TYR: variants seen among roughly 807,000 people sequenced by gnomAD.
TYR encodes tyrosinase.
Under a neutral mutation model 51.5 loss-of-function variants are expected in TYR, and 58 were observed. The observed-to-expected ratio is 1.13, with a 90% confidence interval of 0.91 to 1.40. The LOEUF (loss-of-function observed/expected upper bound fraction) is 1.40. Among genes scored for constraint, TYR ranks in the 40% most tolerant of loss-of-function variants. The pLI is 0.00. For synonymous variants in TYR, 263 were observed against 235.2 expected (o/e 1.12, Z -1.08); for missense variants, 732 against 647.4 (o/e 1.13, Z -1.42).
intron 1 of TYR, among the ~76,000 whole-genome samples, chr11:89,182,933 G>T (rs1943320928): frequency 6.6e-6 from 1 of 152,024 alleles, no homozygotes; most frequent in African/African-American, 2.4e-5. Context: ...CACTCATCAG[G>T]TGAAAAGCAC....
At chr11:89,202,907 T>A (rs1007870229) in intron 2 of TYR, among the ~76,000 whole-genome samples, 2 of 152,150 alleles carry the variant, frequency 1.3e-5, no homozygotes. Flanking sequence ...AAAATGATGC[T>A]GTTTCTATGA....
chr11:89,183,906 T>C (rs1943333435), intron 1 of TYR, among the ~76,000 whole-genome samples: 1 of 152,124 alleles, frequency 6.6e-6, no homozygotes, highest in Admixed American at 6.6e-5. Flanking sequence ...TGCTAAGTGC[T>C]TTATACATGT....
chr11:89,258,051 A>G (rs1944415294), intron 3 of TYR, among the ~76,000 whole-genome samples: 1 of 152,058 alleles, frequency 6.6e-6, no homozygotes, highest in Non-Finnish European at 1.5e-5. Flanking sequence ...AAGTCCCAAA[A>G]GATTGTGCTA....
At chr11:89,289,486 G>T (rs187578145) in intron 4 of TYR, among the ~76,000 whole-genome samples, 1 of 152,036 alleles carries the variant, frequency 6.6e-6, no homozygotes, top group African/African-American at 2.4e-5. Flanking sequence ...AGAGATGTAG[G>T]AAGTCTTTTC....
rs752507698 is a variant in TYR at position 89,177,924 on chromosome 11, C to T, written c.-30C>T. On this transcript the variant is annotated 5_prime_UTR_variant, in exon 1 of 5. Transcript: ENST00000263321. Reference sequence around the variant, plus strand: ...AATCTGTGACTCCAATTAGCCAGTTCCTGCAGACCTTGTGAGGACTAGAGG... The same window carrying T: ...AATCTGTGACTCCAATTAGCCAGTTTCTGCAGACCTTGTGAGGACTAGAGG... 56 of 1,609,642 alleles carry T rather than the reference C, an allele frequency of 3.5e-5. No individual in the cohort carries two copies. Among genetic ancestry groups the T allele is most frequent in the Non-Finnish European group, 4.4e-5 (52 of 1,177,076 alleles).
intron 3 of TYR, among the ~76,000 whole-genome samples, chr11:89,240,978 T>C (rs1364393978): frequency 2.0e-5 from 3 of 152,096 alleles, no homozygotes; most frequent in African/African-American, 7.2e-5. Flanking sequence ...GGTTGAAAAG[T>C]TTGAGAAGGT....
chr11:89,249,572 G>A (rs1442906943), intron 3 of TYR, among the ~76,000 whole-genome samples: 2 of 151,766 alleles, frequency 1.3e-5, no homozygotes, highest in Non-Finnish European at 2.9e-5. Context: ...AAAACACAAG[G>A]ATGATCATGC....
intron 3 of TYR, among the ~76,000 whole-genome samples, chr11:89,274,937 G>A (rs915933011): frequency 2.0e-4 from 30 of 151,684 alleles, no homozygotes; most frequent in African/African-American, 7.3e-4. Context: ...AGTACTCTGT[G>A]GCCCTCCTCA....
intron 2 of TYR, among the ~76,000 whole-genome samples, chr11:89,193,370 G>A (rs988837744): frequency 6.6e-6 from 1 of 151,708 alleles, no homozygotes; most frequent in Non-Finnish European, 1.5e-5. Context: ...CTCAGCCAGT[G>A]GTTTTCAAGT....
intron 3 of TYR, among the ~76,000 whole-genome samples, chr11:89,235,480 T>C (rs2135287054): frequency 6.6e-6 from 1 of 152,282 alleles, no homozygotes; most frequent in East Asian, 1.9e-4. Context: ...CACAATGAAA[T>C]ACTATTTACC....
At chr11:89,228,912 C>G (rs928551738) in intron 3 of TYR, among the ~76,000 whole-genome samples, 1 of 151,802 alleles carries the variant, frequency 6.6e-6, no homozygotes, top group Non-Finnish European at 1.5e-5. Flanking sequence ...CAAATCATGA[C>G]TGACAAATGC....
intron 4 of TYR, among the ~76,000 whole-genome samples, chr11:89,288,907 T>C (rs1027486737): frequency 2.6e-5 from 4 of 152,014 alleles, no homozygotes; most frequent in African/African-American, 9.7e-5. Flanking sequence ...GATTTCTTGA[T>C]ATAATTTTGT....
At chr11:89,238,516 C>T (rs10765200) in intron 3 of TYR, among the ~76,000 whole-genome samples, 52,373 of 151,860 alleles carry the variant, frequency 0.34, 10,017 homozygotes, top group African/African-American at 0.52. Flanking sequence ...TTTCAGTATA[C>T]ACAATCATGT....
chr11:89,287,159 A>C (rs1355452195), intron 4 of TYR, among the ~76,000 whole-genome samples: 2 of 151,764 alleles, frequency 1.3e-5, no homozygotes, highest in African/African-American at 4.8e-5. Flanking sequence ...AACCCCCAAG[A>C]TCAGAATTTA....
At chr11:89,225,559 A>T (rs1336660435) in intron 2 of TYR, among the ~76,000 whole-genome samples, 1 of 151,898 alleles carries the variant, frequency 6.6e-6, no homozygotes, top group East Asian at 1.9e-4. Flanking sequence ...AATAGTATAC[A>T]AATACAAGTT....
At chr11:89,260,547 C>T (rs1358014070) in intron 3 of TYR, among the ~76,000 whole-genome samples, 1 of 151,998 alleles carries the variant, frequency 6.6e-6, no homozygotes, top group Non-Finnish European at 1.5e-5. Flanking sequence ...CTTCCTCCAA[C>T]CATGCTAAAG....
Position 89,178,412 on chromosome 11 carries a change from A to G in TYR, c.459A>G (p.Ile153Met), listed in dbSNP as rs528817446. 2 of 1,614,148 alleles carry G rather than the reference A, an allele frequency of 1.2e-6. No individual in the cohort carries two copies. The highest frequency in any genetic ancestry group is 4.5e-5 in the East Asian group (2 of 44,856). Residue 153 changes from isoleucine (I) to methionine (M), a missense_variant, in exon 1 of 5, where the codon ATA becomes ATG. Transcript: ENST00000263321. ...TCAGCTCAGACTATGTCATCCCCATAGGGACCTATGGCCAAATGAAAAATG... is the reference window on the plus strand; with the variant it reads ...TCAGCTCAGACTATGTCATCCCCATGGGGACCTATGGCCAAATGAAAAATG... ...HTISSDYVIP[I>M]GTYGQMKNGS...
intron 1 of TYR, among the ~76,000 whole-genome samples, chr11:89,185,504 G>C (rs1439162114): frequency 6.6e-6 from 1 of 152,108 alleles, no homozygotes; most frequent in Non-Finnish European, 1.5e-5. Flanking sequence ...TGAGAGAAAA[G>C]AAATAAACAA....
At chr11:89,201,582 C>T (rs1943599504) in intron 2 of TYR, among the ~76,000 whole-genome samples, 1 of 152,226 alleles carries the variant, frequency 6.6e-6, no homozygotes, top group Non-Finnish European at 1.5e-5. Flanking sequence ...TACTGCAAGT[C>T]TGTGGCTGGT....
Sources: allele counts gnomAD v4.1 joint callset (sites outside exome capture counted in the v4.1 genomes callset), GRCh38; gene constraint gnomAD v4.1.1; transcripts MANE v1.5; gene names NCBI Gene and HGNC (gene_info 2026-07-23, HGNC 2026-07-21).